The following PIK3R4 variants were observed in gnomAD, a reference collection of about 807,000 sequenced individuals.
PIK3R4 encodes the protein phosphoinositide 3-kinase regulatory subunit 4.
PIK3R4 carries 46 observed loss-of-function variants against 136.5 expected under a neutral mutation model. That is an observed-to-expected ratio of 0.34 (90% CI 0.27 to 0.43). The LOEUF (loss-of-function observed/expected upper bound fraction) is 0.43, where lower values mean the gene tolerates loss of function less well. Among genes scored for constraint, PIK3R4 ranks in the 20% least tolerant of loss-of-function variants. The pLI is 1.00. For synonymous variants in PIK3R4, 557 were observed against 566.7 expected (o/e 0.98, Z 0.24); for missense variants, 1,331 against 1,649.5 (o/e 0.81, Z 3.35).
intron 9 of PIK3R4, among the ~76,000 whole-genome samples, chr3:130,715,853 G>C (rs2066661813): frequency 6.6e-6 from 1 of 152,180 alleles, no homozygotes; most frequent in Admixed American, 6.5e-5. Flanking sequence ...CCAATGCCAA[G>C]TGTAGTAAGA....
rs530323658 is a variant in PIK3R4 at position 130,712,680 on chromosome 3, A to C, written c.2331+3716T>G. The stretch of plus-strand genomic sequence containing the variant: ...ACTCCATCTCAATTAAAAAAAGAAA[A>C]AAAAAAAGAAACAAGGACTCAATTC... On this transcript the variant is annotated intron_variant, in intron 9 of 19. Coordinates refer to ENST00000356763, the MANE Select transcript of PIK3R4 (RefSeq NM_014602.3). Among the ~76,000 whole-genome samples, 103 of 152,066 alleles carry C rather than the reference A, an allele frequency of 6.8e-4. 1 individual carries two copies. Among genetic ancestry groups the C allele is most frequent in the Non-Finnish European group, 1.0e-3 (71 of 67,996 alleles).
At chr3:130,696,982 C>T (rs142183600) in intron 13 of PIK3R4, among the ~76,000 whole-genome samples, 43 of 151,426 alleles carry the variant, frequency 2.8e-4, no homozygotes, top group African/African-American at 1.0e-3. Flanking sequence ...GATCCTTTTA[C>T]CATTATAAAA....
In PIK3R4 at chr3:130,680,864, T is replaced by TA. The variant is rs1414198533; in HGVS notation, c.3797+112dup. 5.3e-6 allele frequency: 4 copies of TA among 753,178 alleles called. No homozygotes were observed. In the Admixed American group the frequency reaches 8.2e-5, roughly 15 times the overall value. 46.7% of individuals were successfully genotyped at this position (753,178 alleles called of 1,614,324 possible). ...AGAACAGCATACCATTGGTTACAAA[T>TA]AAAGTATTAACAGCTGTCCTTATAA... On this transcript the variant is annotated intron_variant, in intron 18 of 19. Transcript: ENST00000356763.
intron 13 of PIK3R4, among the ~76,000 whole-genome samples, chr3:130,691,811 TG>T (rs1336074280): frequency 1.4e-4 from 22 of 151,908 alleles, no homozygotes; most frequent in African/African-American, 9.7e-5. Flanking sequence ...CATTCACACT[TG>T]TTTTTTTTAA....
chr3:130,741,366 AG>A (rs2066822536), intron 2 of PIK3R4, among the ~76,000 whole-genome samples: 1 of 152,238 alleles, frequency 6.6e-6, no homozygotes, highest in South Asian at 2.1e-4. Flanking sequence ...TTGGACTTCC[AG>A]CCCCCAGAAC....
At chr3:130,716,359 C>T (rs951276457) in intron 9 of PIK3R4, 37 bp downstream of exon 9, 29 of 1,498,626 alleles carry the variant, frequency 1.9e-5, no homozygotes, top group East Asian at 2.3e-5. Context: ...TTATGAAATT[C>T]GCATTTAAAT....
intron 10 of PIK3R4, among the ~76,000 whole-genome samples, chr3:130,708,057 G>T (rs1295357613): frequency 6.6e-6 from 1 of 152,160 alleles, no homozygotes; most frequent in Non-Finnish European, 1.5e-5. Flanking sequence ...TTTGGAATCA[G>T]ACCTTGGTTT....
chr3:130,712,032 G>A (rs1478304499), intron 9 of PIK3R4, among the ~76,000 whole-genome samples: 2 of 152,132 alleles, frequency 1.3e-5, no homozygotes, highest in Non-Finnish European at 2.9e-5. Flanking sequence ...ATAAAACAGG[G>A]AGCTATTGTA....
intron 7 of PIK3R4, among the ~76,000 whole-genome samples, chr3:130,721,375 G>T (rs1217189194): frequency 6.6e-6 from 1 of 151,758 alleles, no homozygotes; most frequent in African/African-American, 2.4e-5. Context: ...AACTACCTGT[G>T]ATCTTGCAAT....
intron 2 of PIK3R4, among the ~76,000 whole-genome samples, chr3:130,743,024 T>C (rs1025370282): frequency 6.6e-6 from 1 of 152,226 alleles, no homozygotes; most frequent in East Asian, 1.9e-4. Flanking sequence ...GAATCACTTC[T>C]GTACAACCTT....
At chr3:130,697,895 T>A (rs1432169375) in intron 13 of PIK3R4, among the ~76,000 whole-genome samples, 3 of 152,222 alleles carry the variant, frequency 2.0e-5, no homozygotes, top group Non-Finnish European at 4.4e-5. Flanking sequence ...CTCCCTTTAG[T>A]ATTTCTTTTA....
Position 130,705,752 on chromosome 3 carries a change from A to G in PIK3R4, c.2741T>C (p.Val914Ala), listed in dbSNP as rs2066603159. The change falls in exon 12 of 20, where the codon GTC becomes GCC. Residue 914 changes from valine (V) to alanine (A), a missense_variant. By Grantham distance (64) the Val-to-Ala change is moderately conservative (BLOSUM62 0). Around this residue, in one of 2 missense-constraint regions of PIK3R4, gnomAD observed 1,180 missense variants for 1,407.0 expected, o/e 0.84. Transcript: ENST00000356763. ...CGGTATTACTGGTTTTTTATTTTGGACAGTTGTCACTTCTGGAACCTACAA... is the reference window on the plus strand; with the variant it reads ...CGGTATTACTGGTTTTTTATTTTGGGCAGTTGTCACTTCTGGAACCTACAA... ...TSSQVPEVTT[V>A]QNKKPVIPVL... 1.2e-6 allele frequency: 2 copies of G among 1,604,596 alleles called. No homozygotes were observed. The highest frequency in any genetic ancestry group is 3.3e-5 in the Admixed American group (2 of 59,974).
chr3:130,691,682 A>T (rs2066519375), intron 13 of PIK3R4, among the ~76,000 whole-genome samples: 1 of 152,138 alleles, frequency 6.6e-6, no homozygotes. Context: ...TTTATTATAA[A>T]AGTTAATGCA....
intron 9 of PIK3R4, among the ~76,000 whole-genome samples, chr3:130,710,966 G>GA (rs929330016): frequency 3.8e-4 from 35 of 92,424 alleles, no homozygotes; most frequent in African/African-American, 1.2e-3. Context: ...TCTTGAAAAA[G>GA]AAAAAAAAAT....
chr3:130,703,113 CA>C (rs2066587857), intron 13 of PIK3R4, among the ~76,000 whole-genome samples: 1 of 152,156 alleles, frequency 6.6e-6, no homozygotes, highest in Non-Finnish European at 1.5e-5. Flanking sequence ...ACAACTAACT[CA>C]GATGACATCT....
chr3:130,680,846 C>G, intron 18 of PIK3R4, 125 bp from the exon 19 acceptor site: 1 of 762,286 alleles, frequency 1.3e-6, no homozygotes, highest in East Asian at 2.6e-5. Context: ...CATAGAACAG[C>G]ATACCATTGG....
intron 4 of PIK3R4, 55 bp from the exon 5 acceptor site, chr3:130,730,497 C>A: frequency 1.5e-6 from 2 of 1,292,248 alleles, no homozygotes; most frequent in Non-Finnish European, 2.1e-6. Flanking sequence ...CTCTGTAAAG[C>A]TTATTAACTT....
At chr3:130,718,852 T>G (rs1213822635) in intron 7 of PIK3R4, among the ~76,000 whole-genome samples, 1 of 152,154 alleles carries the variant, frequency 6.6e-6, no homozygotes, top group East Asian at 1.9e-4. Flanking sequence ...AACACTGGAT[T>G]AAAAACTGTT....
chr3:130,717,826 T>C (rs2066674173), intron 8 of PIK3R4, among the ~76,000 whole-genome samples: 1 of 152,196 alleles, frequency 6.6e-6, no homozygotes, highest in African/African-American at 2.4e-5. Flanking sequence ...ATTTGCTGTC[T>C]AGCAAGATGA....
Sources: allele counts gnomAD v4.1 joint callset (sites outside exome capture counted in the v4.1 genomes callset), GRCh38; gene constraint gnomAD v4.1.1; regional missense constraint gnomAD v4.1.1; transcripts MANE v1.5; gene names NCBI Gene and HGNC (gene_info 2026-07-23, HGNC 2026-07-21).